The following DPYD variants were observed in gnomAD, a reference collection of about 807,000 sequenced individuals.
DPYD encodes the protein dihydropyrimidine dehydrogenase, also known as dihydropyrimidine dehydrogenase [NADP(+)].
Under a neutral mutation model 116.2 loss-of-function variants are expected in DPYD, and 109 were observed. The ratio of observed to expected loss-of-function variants is 0.94; its 90% CI spans 0.80 to 1.10. DPYD has a LOEUF of 1.10. DPYD is among the 50% of genes least tolerant of loss of function. The pLI, the probability that DPYD is intolerant of heterozygous loss-of-function variation, is 0.00. For synonymous variants in DPYD, 440 were observed against 432.0 expected (o/e 1.02, Z -0.23); for missense variants, 1,302 against 1,254.5 (o/e 1.04, Z -0.57).
intron 2 of DPYD, among the ~76,000 whole-genome samples, chr1:97,832,881 G>A (rs553602013): frequency 9.6e-4 from 145 of 151,628 alleles, no homozygotes; most frequent in South Asian, 6.7e-3. Flanking sequence ...ATTTCAGAAC[G>A]CTGAGGATTT....
chr1:97,872,605 T>C (rs761407752), intron 2 of DPYD, among the ~76,000 whole-genome samples: 3 of 151,964 alleles, frequency 2.0e-5, no homozygotes, highest in Non-Finnish European at 4.4e-5. Flanking sequence ...CACTGGTCCA[T>C]GTGTGGAATG....
At chr1:97,564,569 C>T (rs80077450) in intron 11 of DPYD, among the ~76,000 whole-genome samples, 11 of 152,208 alleles carry the variant, frequency 7.2e-5, no homozygotes, top group Non-Finnish European at 1.0e-4. Context: ...TAGTTCTAGT[C>T]CCCTGCTTCA....
intron 3 of DPYD, among the ~76,000 whole-genome samples, chr1:97,773,061 C>A (rs1284384287): frequency 6.6e-6 from 1 of 152,068 alleles, no homozygotes; most frequent in African/African-American, 2.4e-5. Context: ...TTTTTCAGAG[C>A]CCTATGGAAG....
In DPYD at chr1:97,595,120, C is replaced by T. The variant is rs1383131499; in HGVS notation, c.897G>A (p.Gln299=). 6.2e-7 allele frequency: 1 copy of T among 1,613,592 alleles called. No homozygotes were observed. The highest frequency in any genetic ancestry group is 8.5e-7 in the Non-Finnish European group (1 of 1,179,712). The part of the protein sequence containing the change: ...NKDAIFQGLT[Q]DQGFYTSKDF... The stretch of plus-strand genomic sequence containing the variant: ...CTTTGGATGTATAAAACCCCTGGTC[C>T]TGCGTCAGGCCTTGGAAGATGGCAT... Residue 299 remains glutamine (Q), a synonymous_variant, in exon 9 of 23, where the codon CAG becomes CAA. Transcript: ENST00000370192.
intron 16 of DPYD, among the ~76,000 whole-genome samples, chr1:97,364,275 A>C (rs1426657631): frequency 2.0e-5 from 3 of 152,228 alleles, no homozygotes; most frequent in Non-Finnish European, 2.9e-5. Context: ...TTTTACAAAT[A>C]AGAGAAGAAA....
intron 13 of DPYD, among the ~76,000 whole-genome samples, chr1:97,500,645 G>A (rs1679526297): frequency 6.6e-6 from 1 of 151,984 alleles, no homozygotes. Flanking sequence ...GGTGATACAT[G>A]CCACGCAAGC....
At chr1:97,642,134 T>C (rs1424911919) in intron 8 of DPYD, among the ~76,000 whole-genome samples, 1 of 152,092 alleles carries the variant, frequency 6.6e-6, no homozygotes, top group African/African-American at 2.4e-5. Flanking sequence ...TCCATGCTCA[T>C]GGAGAGGAAG....
intron 20 of DPYD, among the ~76,000 whole-genome samples, chr1:97,159,125 A>C (rs1396934257): frequency 1.3e-5 from 2 of 152,096 alleles, no homozygotes; most frequent in Admixed American, 1.3e-4. Context: ...CAGATATTAG[A>C]ATTAGAGGTC....
chr1:97,105,189 T>C (rs1651045795), intron 20 of DPYD, among the ~76,000 whole-genome samples: 1 of 152,062 alleles, frequency 6.6e-6, no homozygotes, highest in Admixed American at 6.6e-5. Context: ...GTGGTATTGA[T>C]GGCATGTTTT....
At position 97,699,476 on chromosome 1, in the gene DPYD, G is replaced by A; in HGVS notation, c.555C>T (p.Ala185=). 1 of 1,613,566 alleles carries A rather than the reference G, an allele frequency of 6.2e-7. No homozygotes were observed. The highest frequency in any genetic ancestry group is 8.5e-7 in the Non-Finnish European group (1 of 1,179,668). The change falls in exon 6 of 23, where the codon GCC becomes GCT. Residue 185 remains alanine (A), a synonymous_variant. Transcript: ENST00000370192. ...CAAAAAGAGCAATCTTTGCAGAATA[G>A]GCTTCAGACATTTTTTCTGGGGGAG... ...SLPPPEKMSE[A]YSAKIALFGA...
intron 13 of DPYD, among the ~76,000 whole-genome samples, chr1:97,461,906 A>G (rs1677053906): frequency 6.6e-6 from 1 of 152,256 alleles, no homozygotes; most frequent in South Asian, 2.1e-4. Flanking sequence ...AAGCTATTCT[A>G]AACTCCAAAC....
At chr1:97,090,465 G>C (rs757900979) in intron 21 of DPYD, among the ~76,000 whole-genome samples, 1 of 152,154 alleles carries the variant, frequency 6.6e-6, no homozygotes, top group Non-Finnish European at 1.5e-5. Context: ...CAAGCACGTA[G>C]TGATGCTTGA....
chr1:97,839,577 T>C (rs1035250293), intron 2 of DPYD, among the ~76,000 whole-genome samples: 1 of 152,168 alleles, frequency 6.6e-6, no homozygotes, highest in African/African-American at 2.4e-5. Context: ...TTCCAAAAAC[T>C]TCTCAATATT....
chr1:97,528,185 G>A (rs1649293914), intron 12 of DPYD, among the ~76,000 whole-genome samples: 1 of 152,064 alleles, frequency 6.6e-6, no homozygotes, highest in Non-Finnish European at 1.5e-5. Context: ...TGGATTAGCT[G>A]TTTCCATGAT....
At chr1:97,150,371 C>T (rs1557894587) in intron 20 of DPYD, among the ~76,000 whole-genome samples, 1 of 152,114 alleles carries the variant, frequency 6.6e-6, no homozygotes, top group Non-Finnish European at 1.5e-5. Context: ...ATGTTTAGCA[C>T]ATTGCCTACT....
intron 10 of DPYD, among the ~76,000 whole-genome samples, chr1:97,584,891 T>C (rs1653978369): frequency 6.6e-6 from 1 of 150,866 alleles, no homozygotes; most frequent in Admixed American, 6.6e-5. Context: ...ATGGCACATG[T>C]ATACATATGT....
chr1:97,555,622 G>C (rs1203738901), intron 11 of DPYD, among the ~76,000 whole-genome samples: 3 of 152,056 alleles, frequency 2.0e-5, no homozygotes, highest in Non-Finnish European at 2.9e-5. Flanking sequence ...TCAGGAGAAG[G>C]CCTTGTCCCA....
At chr1:97,148,748 ACTC>A (rs1197923093) in intron 20 of DPYD, among the ~76,000 whole-genome samples, 1 of 152,292 alleles carries the variant, frequency 6.6e-6, no homozygotes, top group East Asian at 1.9e-4. Flanking sequence ...ACATCTTTGA[ACTC>A]CTGTGATTAA....
chr1:97,419,698 A>C (rs1674478233), intron 14 of DPYD, among the ~76,000 whole-genome samples: 1 of 152,142 alleles, frequency 6.6e-6, no homozygotes, highest in Non-Finnish European at 1.5e-5. Flanking sequence ...TATTAAGCAT[A>C]CAGTTCTGCA....
Sources: allele counts gnomAD v4.1 joint callset (sites outside exome capture counted in the v4.1 genomes callset), GRCh38; gene constraint gnomAD v4.1.1; transcripts MANE v1.5; gene names NCBI Gene and HGNC (gene_info 2026-07-23, HGNC 2026-07-21).